CRB1: variants seen among roughly 807,000 people sequenced by gnomAD.
The protein encoded by CRB1 is crumbs cell polarity complex component 1, also known as protein crumbs homolog 1.
CRB1 carries 83 observed loss-of-function variants against 120.0 expected under a neutral mutation model. The ratio of observed to expected loss-of-function variants is 0.69; its 90% CI spans 0.58 to 0.83. The LOEUF (loss-of-function observed/expected upper bound fraction) is 0.83. Among genes scored for constraint, CRB1 ranks in the 40% least tolerant of loss-of-function variants. The probability of loss-of-function intolerance (pLI) is 0.00; values close to 1 mark genes in which losing one functional copy is unlikely to be tolerated. For synonymous variants in CRB1, 625 were observed against 612.5 expected, an observed-to-expected ratio of 1.02 and a Z score of -0.30; for missense variants, 1,699 against 1,687.6, an observed-to-expected ratio of 1.01 and a Z score of -0.12.
At chr1:197,431,258 C>A (rs1664856654) in intron 8 of CRB1, among the ~76,000 whole-genome samples, 1 of 151,992 alleles carries the variant, frequency 6.6e-6, no homozygotes, top group African/African-American at 2.4e-5. Context: ...TTTAAAAGAC[C>A]TGTATGAAAT....
chr1:197,269,642 G>C (rs1654797409), intron 1 of CRB1, among the ~76,000 whole-genome samples: 1 of 152,072 alleles, frequency 6.6e-6, no homozygotes, highest in Non-Finnish European at 1.5e-5. Flanking sequence ...AGTTGTGCAG[G>C]TAGGAGAAGA....
chr1:197,370,210 C>T (rs1661298849), intron 5 of CRB1, among the ~76,000 whole-genome samples: 1 of 150,372 alleles, frequency 6.7e-6, no homozygotes, highest in Non-Finnish European at 1.5e-5. Context: ...AAGCATAAAT[C>T]TCACAGGACC....
intron 1 of CRB1, among the ~76,000 whole-genome samples, chr1:197,298,136 T>A (rs1656647186): frequency 6.6e-6 from 1 of 152,130 alleles, no homozygotes; most frequent in South Asian, 2.1e-4. Flanking sequence ...TTTTGTTCTA[T>A]TTTTAGCAAA....
At chr1:197,244,317 T>G in the CRB1 span, among the ~76,000 whole-genome samples, 2 of 152,136 alleles carry the variant, frequency 1.3e-5, no homozygotes, top group Non-Finnish European at 2.9e-5. Context: ...TGGTATGGGT[T>G]TTTTCTTTCC....
At chr1:197,364,504 G>A (rs1660957437) in intron 5 of CRB1, among the ~76,000 whole-genome samples, 1 of 151,946 alleles carries the variant, frequency 6.6e-6, no homozygotes, top group South Asian at 2.1e-4. Flanking sequence ...CCCACTTCTG[G>A]GACTCTAATC....
chr1:197,296,769 C>T (rs1558036492), intron 1 of CRB1, among the ~76,000 whole-genome samples: 1 of 152,028 alleles, frequency 6.6e-6, no homozygotes, highest in East Asian at 1.9e-4. Flanking sequence ...ATACTGTTCT[C>T]ATGGTAGTGA....
At chr1:197,282,288 C>T (rs1186332459) in intron 1 of CRB1, among the ~76,000 whole-genome samples, 1 of 151,606 alleles carries the variant, frequency 6.6e-6, no homozygotes, top group Non-Finnish European at 1.5e-5. Flanking sequence ...ATCATCAAGT[C>T]CATCCTCTGG....
intron 11 of CRB1, among the ~76,000 whole-genome samples, chr1:197,461,087 T>C (rs549473701): frequency 1.3e-5 from 2 of 152,324 alleles, no homozygotes; most frequent in South Asian, 4.1e-4. Context: ...TTCTTGAAGT[T>C]AAAGGTTGTG....
At chr1:197,372,807 C>T (rs769052812) in intron 5 of CRB1, among the ~76,000 whole-genome samples, 16 of 151,972 alleles carry the variant, frequency 1.1e-4, no homozygotes, top group Non-Finnish European at 2.2e-4. Flanking sequence ...TCAGGAGCTT[C>T]CATTAGTGGT....
At chr1:197,338,942 G>A (rs962095662) in intron 2 of CRB1, among the ~76,000 whole-genome samples, 16 of 152,074 alleles carry the variant, frequency 1.1e-4, no homozygotes, top group African/African-American at 3.4e-4. Flanking sequence ...AGTGCATCTC[G>A]GTTCTAGAGA....
At chr1:197,225,136 CT>C in the CRB1 span, among the ~76,000 whole-genome samples, 9 of 152,198 alleles carry the variant, frequency 5.9e-5, no homozygotes, top group African/African-American at 2.2e-4. Context: ...GCCAAGATTT[CT>C]TGTCCAAGTC....
the CRB1 span, among the ~76,000 whole-genome samples, chr1:197,260,008 A>G: frequency 1.3e-5 from 2 of 151,534 alleles, no homozygotes; most frequent in Non-Finnish European, 2.9e-5. Context: ...AAAATTAACC[A>G]GGCACACGAT....
chr1:197,349,477 AT>A (rs1232807297), intron 4 of CRB1, among the ~76,000 whole-genome samples: 4 of 152,192 alleles, frequency 2.6e-5, no homozygotes, highest in African/African-American at 4.8e-5. Context: ...TAAACTTATG[AT>A]TACTCAAGGC....
chr1:197,379,882 A>G (rs1661858886), intron 5 of CRB1, among the ~76,000 whole-genome samples: 1 of 152,226 alleles, frequency 6.6e-6, no homozygotes, highest in Admixed American at 6.5e-5. Flanking sequence ...CAAAGGAGTT[A>G]CCTAGATAAT....
chr1:197,252,580 A>ATGTGTGTGTGTGTG, the CRB1 span, among the ~76,000 whole-genome samples: 6 of 22,324 alleles, frequency 2.7e-4, no homozygotes, highest in African/African-American at 3.4e-4. Flanking sequence ...ATATATATAT[A>ATGTGTGTGTGTGTG]TATGTGTGTG....
intron 1 of CRB1, among the ~76,000 whole-genome samples, chr1:197,309,925 C>T (rs968134805): frequency 2.6e-5 from 4 of 152,120 alleles, no homozygotes; most frequent in Non-Finnish European, 5.9e-5. Flanking sequence ...GCACAATGGA[C>T]ACCTGCTGGA....
chr1:197,368,126 T>A (rs987910139), intron 5 of CRB1, among the ~76,000 whole-genome samples: 1 of 152,156 alleles, frequency 6.6e-6, no homozygotes, highest in South Asian at 2.1e-4. Context: ...ACAGTCAATA[T>A]CTCCTGCTGG....
chr1:197,254,744 A>G, the CRB1 span, among the ~76,000 whole-genome samples: 10 of 152,274 alleles, frequency 6.6e-5, no homozygotes, highest in African/African-American at 2.4e-4. Flanking sequence ...AAGTAAGTTT[A>G]TATATGCCAG....
chr1:197,282,142 T>C lies in CRB1; in HGVS notation c.70+13660T>C, dbSNP rs546403464. On this transcript the variant is annotated intron_variant, in intron 1 of 11. Coordinates refer to ENST00000367400, the MANE Select transcript of CRB1 (RefSeq NM_201253.3). The stretch of plus-strand genomic sequence containing the variant: ...CATAATCATTCCTTTTAAAAATAAT[T>C]TATTCCTTTAAAAAATAACTATGTC... Among the ~76,000 whole-genome samples the C allele has an allele frequency of 6.6e-5, 10 of 151,874 alleles. 1 individual carries two copies. The South Asian group carries it at 2.1e-3, about 31-fold the overall frequency.
Sources: gnomAD v4.1 joint callset for allele counts (sites outside exome capture counted in the v4.1 genomes callset) on GRCh38, gnomAD v4.1.1 for gene constraint, MANE v1.5 for transcripts, NCBI Gene and HGNC (gene_info 2026-07-23, HGNC 2026-07-21) for gene names.